The following XKR6 variants were observed in gnomAD, a reference collection of about 807,000 sequenced individuals.
XKR6 encodes the protein XK related 6.
A neutral mutation model predicts 56.7 loss-of-function variants in XKR6; 22 were observed. That is an observed-to-expected ratio of 0.39 (90% CI 0.28 to 0.55). XKR6 has a LOEUF of 0.55. Ranked by LOEUF, XKR6 falls within the 20% of genes least tolerant of loss-of-function variation. The pLI is 0.66. For missense variants in XKR6, 852 were observed against 889.0 expected (o/e 0.96, Z 0.53); for synonymous variants, 524 against 387.8 (o/e 1.35, Z -4.13).
At chr8:10,934,609 G>A (rs1385879294) in intron 1 of XKR6, among the ~76,000 whole-genome samples, 50 of 99,304 alleles carry the variant, frequency 5.0e-4, no homozygotes, top group African/African-American at 6.0e-4. Flanking sequence ...TTAGCATGAA[G>A]GGTTGTTGAA....
At chr8:11,178,391 G>A (rs997672927) in intron 1 of XKR6, among the ~76,000 whole-genome samples, 1 of 151,746 alleles carries the variant, frequency 6.6e-6, no homozygotes, top group Non-Finnish European at 1.5e-5. Context: ...CGGTCATCAA[G>A]CGGCTATGAA....
chr8:11,190,395 A>G (rs942133917), intron 1 of XKR6, among the ~76,000 whole-genome samples: 2 of 152,124 alleles, frequency 1.3e-5, no homozygotes, highest in Admixed American at 1.3e-4. Flanking sequence ...CAGTATTTAC[A>G]TGGGACCTGT....
chr8:11,103,525 T>G (rs375867626), intron 1 of XKR6, among the ~76,000 whole-genome samples: 16 of 152,184 alleles, frequency 1.1e-4, no homozygotes, highest in Non-Finnish European at 2.1e-4. Context: ...ATTCCACAAA[T>G]GGGGCTTTTA....
intron 1 of XKR6, among the ~76,000 whole-genome samples, chr8:11,028,040 A>G (rs1798909186): frequency 6.6e-6 from 1 of 152,074 alleles, no homozygotes; most frequent in Admixed American, 6.5e-5. Context: ...GCGAATGTAT[A>G]ATGATCTGTA....
chr8:10,938,051 A>C (rs1434942844), intron 1 of XKR6, among the ~76,000 whole-genome samples: 3 of 152,072 alleles, frequency 2.0e-5, no homozygotes, highest in Non-Finnish European at 2.9e-5. Context: ...GCAATCAGCG[A>C]GACTCCGTGG....
In XKR6 at chr8:10,949,114, G is replaced by T. The variant is rs192276083; in HGVS notation, c.765-24284C>A. On this transcript the variant is annotated intron_variant, in intron 1 of 2. Coordinates refer to ENST00000416569, the MANE Select transcript of XKR6 (RefSeq NM_173683.4). ...TGGAAACACCCTGGGAGTCCGGGGT[G>T]AGCCCTGGCTGGAGGAGCCTGGGCC... Among the ~76,000 whole-genome samples the T allele has an allele frequency of 2.6e-5, 4 of 152,350 alleles. No homozygotes were observed. The East Asian group carries it at 7.7e-4, about 29-fold the overall frequency.
chr8:11,046,423 G>C (rs568733473), intron 1 of XKR6, among the ~76,000 whole-genome samples: 29 of 152,024 alleles, frequency 1.9e-4, no homozygotes, highest in Non-Finnish European at 3.8e-4. Flanking sequence ...GAAAAGGAAA[G>C]AGAGTAAAAG....
At chr8:10,940,606 C>G (rs1479936927) in intron 1 of XKR6, among the ~76,000 whole-genome samples, 1 of 152,192 alleles carries the variant, frequency 6.6e-6, no homozygotes, top group East Asian at 1.9e-4. Flanking sequence ...GGGAGCAGAG[C>G]TGGTTCAAAG....
Position 11,200,803 on chromosome 8 carries a change from C to G in XKR6, c.537G>C (p.Leu179=). Residue 179 remains leucine, a synonymous_variant, in exon 1 of 3, where the codon CTG becomes CTC. Coordinates refer to ENST00000416569, the MANE Select transcript of XKR6 (RefSeq NM_173683.4). The surrounding 1 kb of genome is among the most constrained non-coding windows in gnomAD (Gnocchi z 6.4). ...AGTCCTGCACGAACCAGCGGAAGCT[C>G]AGGCTCTGCACCAGCAGCGACGGCA... ...VLVPSLLVQS[L]SFRWFVQDYT... The G allele has an allele frequency of 6.2e-7, 1 of 1,610,968 alleles. No individual in the cohort carries two copies. Among genetic ancestry groups the G allele is most frequent in the South Asian group, 1.1e-5 (1 of 90,854 alleles).
At chr8:11,098,044 A>G (rs1586541284) in intron 1 of XKR6, among the ~76,000 whole-genome samples, 2 of 152,234 alleles carry the variant, frequency 1.3e-5, no homozygotes, top group East Asian at 3.9e-4. Flanking sequence ...CCCAGCATAC[A>G]CTGTTGTGAA....
At chr8:11,184,422 T>C (rs1394123831) in intron 1 of XKR6, among the ~76,000 whole-genome samples, 1 of 149,294 alleles carries the variant, frequency 6.7e-6, no homozygotes, top group Non-Finnish European at 1.5e-5. Flanking sequence ...CACACACACT[T>C]ATATTACATT....
At chr8:10,939,858 G>A (rs1402270154) in intron 1 of XKR6, among the ~76,000 whole-genome samples, 2 of 152,184 alleles carry the variant, frequency 1.3e-5, no homozygotes, top group East Asian at 1.9e-4. Flanking sequence ...AGGCGTCCTT[G>A]GGAGAACTGC....
At chr8:11,046,455 A>T (rs78932945) in intron 1 of XKR6, among the ~76,000 whole-genome samples, 3,050 of 152,296 alleles carry the variant, frequency 0.02, 117 homozygotes, top group African/African-American at 0.069. Flanking sequence ...GCAGGGACCC[A>T]AAGAAATATT....
chr8:10,937,720 AGGGGTCAG>A (rs1801252898), intron 1 of XKR6, among the ~76,000 whole-genome samples: 1 of 148,450 alleles, frequency 6.7e-6, no homozygotes, highest in Non-Finnish European at 1.5e-5. Context: ...CTCGGGGGTC[AGGGGTCAG>A]GGACCCACTT....
At chr8:11,144,254 G>GTGTGTGTGTA (rs1251945242) in intron 1 of XKR6, among the ~76,000 whole-genome samples, 1 of 150,554 alleles carries the variant, frequency 6.6e-6, no homozygotes, top group Non-Finnish European at 1.5e-5. Context: ...GTGTGTGTGT[G>GTGTGTGTGTA]TATCTAAAGT....
At chr8:11,155,339 T>C (rs1333036586) in intron 1 of XKR6, among the ~76,000 whole-genome samples, 4 of 152,186 alleles carry the variant, frequency 2.6e-5, no homozygotes, top group African/African-American at 9.7e-5. Context: ...TGTTTAAAAC[T>C]GAAGGGAAAA....
intron 1 of XKR6, among the ~76,000 whole-genome samples, chr8:10,947,366 G>A (rs150110574): frequency 2.4e-3 from 363 of 152,294 alleles, no homozygotes; most frequent in African/African-American, 8.3e-3. Context: ...GTGTCTCTAT[G>A]AAGCACAAGA....
At chr8:10,911,753 GTA>G (rs946939666) in intron 2 of XKR6, among the ~76,000 whole-genome samples, 1 of 148,182 alleles carries the variant, frequency 6.7e-6, no homozygotes, top group East Asian at 2.0e-4. Flanking sequence ...GGGCAAGTGT[GTA>G]TATATATATA....
At chr8:10,968,821 C>A (rs770301290) in intron 1 of XKR6, among the ~76,000 whole-genome samples, 1 of 152,226 alleles carries the variant, frequency 6.6e-6, no homozygotes, top group Non-Finnish European at 1.5e-5. Context: ...GCACAGGGCT[C>A]GGGCAGTCCA....
Sources: gnomAD v4.1 joint callset for allele counts (sites outside exome capture counted in the v4.1 genomes callset) on GRCh38, gnomAD v4.1.1 for gene constraint, Gnocchi (gnomAD v3.1) non-coding constraint, MANE v1.5 for transcripts, NCBI Gene and HGNC (gene_info 2026-07-23, HGNC 2026-07-21) for gene names.